PDZRN3: variants seen among roughly 807,000 people sequenced by gnomAD.
The protein encoded by PDZRN3 is E3 ubiquitin-protein ligase PDZRN3.
A neutral mutation model predicts 85.7 loss-of-function variants in PDZRN3; 38 were observed. The ratio of observed to expected loss-of-function variants is 0.44; its 90% CI spans 0.34 to 0.58. The LOEUF (loss-of-function observed/expected upper bound fraction) is 0.58, where lower values mean the gene tolerates loss of function less well. Among genes scored for constraint, PDZRN3 ranks in the 20% least tolerant of loss-of-function variants. The pLI, the probability that PDZRN3 is intolerant of heterozygous loss-of-function variation, is 0.01. For missense variants in PDZRN3, 1,629 were observed against 1,506.4 expected (o/e 1.08, Z -1.35); for synonymous variants, 759 against 638.0 (o/e 1.19, Z -2.86).
intron 3 of PDZRN3, among the ~76,000 whole-genome samples, chr3:73,594,847 A>T (rs1195941166): frequency 6.6e-6 from 1 of 152,198 alleles, no homozygotes. Flanking sequence ...AAAGATGGAG[A>T]TGTACTGACT....
intron 5 of PDZRN3, among the ~76,000 whole-genome samples, chr3:73,392,610 C>CACCAGTAGTATAATAATTACAT (rs1701551495): frequency 6.6e-6 from 1 of 152,306 alleles, no homozygotes; most frequent in South Asian, 2.1e-4. Context: ...AGTCCACGGT[C>CACCAGTAGTATAATAATTACAT]ACCAGTAGTA....
intron 3 of PDZRN3, among the ~76,000 whole-genome samples, chr3:73,411,233 G>C (rs1001192598): frequency 1.3e-5 from 2 of 152,214 alleles, no homozygotes; most frequent in African/African-American, 4.8e-5. Flanking sequence ...AGTGGCTCTG[G>C]CCAAGCTCTC....
At chr3:73,410,049 G>A (rs1189596081) in intron 3 of PDZRN3, among the ~76,000 whole-genome samples, 1 of 152,054 alleles carries the variant, frequency 6.6e-6, no homozygotes, top group Non-Finnish European at 1.5e-5. Context: ...TAAATACAGG[G>A]GGAGTGATTT....
At chr3:73,492,302 G>A (rs758495011) in intron 3 of PDZRN3, among the ~76,000 whole-genome samples, 1 of 152,124 alleles carries the variant, frequency 6.6e-6, no homozygotes, top group Non-Finnish European at 1.5e-5. Flanking sequence ...TCTCCTCCTG[G>A]GGATAACTAG....
chr3:73,594,857 T>G (rs1702411186), intron 3 of PDZRN3, among the ~76,000 whole-genome samples: 1 of 152,152 alleles, frequency 6.6e-6, no homozygotes. Context: ...ATGTACTGAC[T>G]TATTGAGAGT....
At chr3:73,548,648 G>A (rs1701484247) in intron 3 of PDZRN3, among the ~76,000 whole-genome samples, 1 of 152,280 alleles carries the variant, frequency 6.6e-6, no homozygotes, top group East Asian at 1.9e-4. Flanking sequence ...ATTATGAGGG[G>A]GCAATAAAGA....
rs557413086 is a variant in PDZRN3, at chr3:73,551,259, A to G, written c.918+51095T>C. Among the ~76,000 whole-genome samples, 59 of 152,342 alleles carry G rather than the reference A, an allele frequency of 3.9e-4. 1 individual carries two copies. The highest frequency in any genetic ancestry group is 6.6e-4 in the Non-Finnish European group (45 of 68,024). On this transcript the variant is annotated intron_variant, in intron 3 of 9. Coordinates refer to ENST00000263666, the MANE Select transcript of PDZRN3 (RefSeq NM_015009.3). The stretch of plus-strand genomic sequence containing the variant: ...GGAAAATGACACACTGTCTTGGATG[A>G]GCTTTGAAATACTTTGGTATAGAAA...
intron 3 of PDZRN3, among the ~76,000 whole-genome samples, chr3:73,576,532 T>G (rs1702125793): frequency 6.6e-6 from 1 of 152,156 alleles, no homozygotes; most frequent in African/African-American, 2.4e-5. Flanking sequence ...CCCAGCTATA[T>G]AAAAGGTAGA....
intron 3 of PDZRN3, among the ~76,000 whole-genome samples, chr3:73,491,936 A>C (rs983363842): frequency 2.0e-5 from 3 of 151,996 alleles, no homozygotes; most frequent in African/African-American, 7.2e-5. Flanking sequence ...CAGGGTTCAC[A>C]CGTCTCAGGG....
chr3:73,490,069 T>C (rs1703742427), intron 3 of PDZRN3, among the ~76,000 whole-genome samples: 1 of 152,332 alleles, frequency 6.6e-6, no homozygotes, highest in Admixed American at 6.5e-5. Context: ...GATGAACTGA[T>C]TTTAATTGGT....
At chr3:73,409,054 C>G (rs1701912827) in intron 3 of PDZRN3, among the ~76,000 whole-genome samples, 1 of 152,140 alleles carries the variant, frequency 6.6e-6, no homozygotes, top group South Asian at 2.1e-4. Flanking sequence ...TGTTTTGGAA[C>G]AAGAAATGCT....
Position 73,624,695 on chromosome 3 carries a change from G to A in PDZRN3, c.131C>T (p.Pro44Leu), listed in dbSNP as rs1702941910. 1.3e-6 allele frequency: 2 copies of A among 1,526,322 alleles called. No homozygotes were observed. Among genetic ancestry groups the A allele is most frequent in the Non-Finnish European group, 8.7e-7 (1 of 1,142,944 alleles). 94.5% of individuals were successfully genotyped at this position (1,526,322 alleles called of 1,614,324 possible). ...GCAGCTGCCCTCCTGCACCACCCAG[G>A]GCAGCACGCAGCCGGCGCAGAAGAC... ...GHVFCAGCVL[P>L]WVVQEGSCPA... The change falls in exon 1 of 10, where the codon CCC becomes CTC. Residue 44 changes from proline (P) to leucine (L), a missense_variant. By Grantham distance (98) the Pro-to-Leu change is moderately conservative (BLOSUM62 -3). Transcript: ENST00000263666.
intron 3 of PDZRN3, among the ~76,000 whole-genome samples, chr3:73,601,834 C>A (rs1469038194): frequency 1.3e-5 from 2 of 152,108 alleles, no homozygotes; most frequent in African/African-American, 4.8e-5. Flanking sequence ...TAATATCAAC[C>A]TCTGCCTGCA....
At chr3:73,437,938 A>G (rs1702561799) in intron 3 of PDZRN3, among the ~76,000 whole-genome samples, 1 of 152,208 alleles carries the variant, frequency 6.6e-6, no homozygotes, top group South Asian at 2.1e-4. Context: ...CAAGTTGTTT[A>G]TAATAGAACT....
intron 7 of PDZRN3, among the ~76,000 whole-genome samples, chr3:73,389,166 G>A (rs927560842): frequency 3.9e-5 from 6 of 152,028 alleles, no homozygotes; most frequent in Non-Finnish European, 7.4e-5. Context: ...ATGAGAAGAG[G>A]TAGAAAGCTA....
At chr3:73,472,319 A>T (rs928026574) in intron 3 of PDZRN3, among the ~76,000 whole-genome samples, 16 of 152,316 alleles carry the variant, frequency 1.1e-4, no homozygotes, top group Non-Finnish European at 7.4e-5. Context: ...TTACTTACAG[A>T]ATCTTCAGAC....
chr3:73,508,661 G>C (rs1704110878), intron 3 of PDZRN3, among the ~76,000 whole-genome samples: 1 of 152,228 alleles, frequency 6.6e-6, no homozygotes, highest in East Asian at 1.9e-4. Context: ...TAGCTCCCAG[G>C]TAAATCCTGT....
At chr3:73,484,150 G>A (rs954182247) in intron 3 of PDZRN3, among the ~76,000 whole-genome samples, 1 of 152,128 alleles carries the variant, frequency 6.6e-6, no homozygotes, top group African/African-American at 2.4e-5. Context: ...ATTGACAGCG[G>A]GTGTGTGAGA....
At chr3:73,603,886 T>TACATACAC (rs1553706793) in intron 2 of PDZRN3, among the ~76,000 whole-genome samples, 1 of 144,952 alleles carries the variant, frequency 6.9e-6, no homozygotes, top group African/African-American at 2.6e-5. Context: ...CACACACACA[T>TACATACAC]ACACACACAC....
Sources: allele counts gnomAD v4.1 joint callset (sites outside exome capture counted in the v4.1 genomes callset), GRCh38; gene constraint gnomAD v4.1.1; transcripts MANE v1.5; gene names NCBI Gene and HGNC (gene_info 2026-07-23, HGNC 2026-07-21).